The following PARD3B variants were observed in gnomAD, a reference collection of about 807,000 sequenced individuals.
PARD3B encodes par-3 family cell polarity regulator beta.
In PARD3B, 103 loss-of-function variants were observed where a neutral mutation model predicts 130.2. The observed-to-expected ratio is 0.79, with a 90% confidence interval of 0.67 to 0.93. PARD3B has a LOEUF of 0.93. Ranked by LOEUF, PARD3B falls within the 40% of genes least tolerant of loss-of-function variation. The pLI is 0.00. For synonymous variants in PARD3B, 583 were observed against 553.2 expected, an observed-to-expected ratio of 1.05 and a Z score of -0.76; for missense variants, 1,609 against 1,499.2, an observed-to-expected ratio of 1.07 and a Z score of -1.21.
At chr2:205,554,058 C>T (rs558863555) in intron 22 of PARD3B, among the ~76,000 whole-genome samples, 1 of 152,284 alleles carries the variant, frequency 6.6e-6, no homozygotes, top group African/African-American at 2.4e-5. Context: ...TTTTAGTTTG[C>T]TATCAGTAGC....
intron 22 of PARD3B, among the ~76,000 whole-genome samples, chr2:205,607,070 A>G (rs1421085209): frequency 6.6e-6 from 1 of 152,156 alleles, no homozygotes; most frequent in Non-Finnish European, 1.5e-5. Flanking sequence ...AACCGCACAA[A>G]TATCTGTTTG....
At chr2:205,188,097 A>G (rs1216141531) in intron 14 of PARD3B, among the ~76,000 whole-genome samples, 5 of 152,248 alleles carry the variant, frequency 3.3e-5, no homozygotes, top group Non-Finnish European at 4.4e-5. Context: ...CAGCCAGCTA[A>G]GCATTAGATA....
At chr2:205,476,620 GTTTGT>G (rs911020605) in intron 20 of PARD3B, among the ~76,000 whole-genome samples, 11 of 151,626 alleles carry the variant, frequency 7.3e-5, no homozygotes, top group African/African-American at 2.4e-4. Context: ...TGGGTTTTTT[GTTTGT>G]TTTTTTGTTT....
chr2:205,073,431 A>C (rs1490594953), intron 4 of PARD3B, among the ~76,000 whole-genome samples: 1 of 152,186 alleles, frequency 6.6e-6, no homozygotes, highest in Non-Finnish European at 1.5e-5. Context: ...ACTGAAATAA[A>C]ATTAAATGGA....
chr2:204,989,822 T>A (rs945165256), intron 3 of PARD3B, among the ~76,000 whole-genome samples: 1 of 152,158 alleles, frequency 6.6e-6, no homozygotes, highest in African/African-American at 2.4e-5. Flanking sequence ...GTTTCCTTTT[T>A]TAAAAAAATG....
At chr2:205,381,125 TTATATATAAAGAATATATAATATATATAA>T (rs1463416164) in intron 18 of PARD3B, among the ~76,000 whole-genome samples, 2 of 90,700 alleles carry the variant, frequency 2.2e-5, no homozygotes, top group Non-Finnish European at 4.2e-5. Context: ...ATTATATATA[TTATATATAAAGAATATATAATATATATAA>T]TATATATAAA....
chr2:204,880,047 T>C (rs2045981091), intron 2 of PARD3B, among the ~76,000 whole-genome samples: 1 of 152,182 alleles, frequency 6.6e-6, no homozygotes, highest in Non-Finnish European at 1.5e-5. Context: ...TCAGACATAA[T>C]GTAACTGTTC....
At chr2:205,294,316 T>C (rs2041712590) in intron 16 of PARD3B, among the ~76,000 whole-genome samples, 1 of 152,092 alleles carries the variant, frequency 6.6e-6, no homozygotes, top group Non-Finnish European at 1.5e-5. Context: ...CCATGGAGTA[T>C]ATTTTCTTAT....
At chr2:205,067,872 C>G (rs1283236268) in intron 4 of PARD3B, among the ~76,000 whole-genome samples, 1 of 152,154 alleles carries the variant, frequency 6.6e-6, no homozygotes, top group African/African-American at 2.4e-5. Context: ...ACACCTTTGG[C>G]CATGATGCAT....
At chr2:205,069,414 G>A (rs972498140) in intron 4 of PARD3B, among the ~76,000 whole-genome samples, 4 of 151,836 alleles carry the variant, frequency 2.6e-5, no homozygotes, top group Non-Finnish European at 4.4e-5. Context: ...AAATAGATTA[G>A]TCTAATCTAT....
chr2:205,065,224 C>G (rs1011431029), intron 4 of PARD3B, among the ~76,000 whole-genome samples: 1 of 152,094 alleles, frequency 6.6e-6, no homozygotes, highest in Admixed American at 6.6e-5. Flanking sequence ...AAAGATGCCA[C>G]AGATAGAGTG....
At chr2:204,975,267 A>G (rs1390762680) in intron 3 of PARD3B, among the ~76,000 whole-genome samples, 2 of 152,156 alleles carry the variant, frequency 1.3e-5, no homozygotes, top group Admixed American at 1.3e-4. Flanking sequence ...CTTTGATTCG[A>G]CAGTCTTCAT....
chr2:204,570,209 G>A (rs2031912608), intron 1 of PARD3B, among the ~76,000 whole-genome samples: 1 of 152,158 alleles, frequency 6.6e-6, no homozygotes, highest in Admixed American at 6.5e-5. Flanking sequence ...AGAGCTTGTT[G>A]TACTCTGAGT....
chr2:205,101,896 G>A (rs1283521474), intron 4 of PARD3B, among the ~76,000 whole-genome samples: 1 of 152,176 alleles, frequency 6.6e-6, no homozygotes, highest in Non-Finnish European at 1.5e-5. Flanking sequence ...GACTGCTAAT[G>A]GAGTTTGAGG....
At position 205,105,453 on chromosome 2, in the gene PARD3B, T is replaced by C. The variant is rs1703131196; in HGVS notation, c.593+939T>C. On this transcript the variant is annotated intron_variant, in intron 5 of 22. Coordinates refer to ENST00000406610, the MANE Select transcript of PARD3B (RefSeq NM_001302769.2). The surrounding 1 kb of genome is among the most constrained non-coding windows in gnomAD (Gnocchi z 4.0). ...GTAAAGCTACTGAAGTTTATAATTA[T>C]TCATGCAGTTGACGTATTCCTTTCA... Among the ~76,000 whole-genome samples, 1 of 152,226 alleles carries C rather than the reference T, an allele frequency of 6.6e-6. No homozygotes were observed. Among genetic ancestry groups the C allele is most frequent in the Admixed American group, 6.5e-5 (1 of 15,282 alleles).
In PARD3B at chr2:205,558,151, G is replaced by A. The variant is rs946193551; in HGVS notation, c.3260+4748G>A. 5.3e-5 allele frequency among the ~76,000 whole-genome samples: 8 copies of A among 152,168 alleles called. No individual in the cohort carries two copies. Among genetic ancestry groups the A allele is most frequent in the African/African-American group, 1.7e-4 (7 of 41,430 alleles). ...TAGACAGCAGTGCTATGGAGAGGGG[G>A]TTTATAACAGATACAGCATGCTGAC... is the stretch of plus-strand genomic sequence containing the variant. On this transcript the variant is annotated intron_variant, in intron 22 of 22. Transcript: ENST00000406610. This position sits in a 1 kb window ranked among gnomAD's most constrained non-coding sequence, Gnocchi z 4.8.
rs761694614 is a variant in PARD3B at position 205,292,259 on chromosome 2, A to T, written c.2186-8271A>T. ...TCATGAATGGGATTAGTTTCCTTAT[A>T]AAAAAAAGACTCACAGAGAGTTCCC... is the stretch of plus-strand genomic sequence containing the variant. On this transcript the variant is annotated intron_variant, in intron 16 of 22. Coordinates refer to ENST00000406610, the MANE Select transcript of PARD3B (RefSeq NM_001302769.2). This position sits in a 1 kb window ranked among gnomAD's most constrained non-coding sequence, Gnocchi z 5.3. 4.6e-5 allele frequency among the ~76,000 whole-genome samples: 7 copies of T among 151,790 alleles called. No homozygotes were observed. Among genetic ancestry groups the T allele is most frequent in the East Asian group, 1.9e-4 (1 of 5,166 alleles).
intron 15 of PARD3B, among the ~76,000 whole-genome samples, chr2:205,239,763 A>G (rs2039268015): frequency 6.6e-6 from 1 of 152,204 alleles, no homozygotes; most frequent in East Asian, 1.9e-4. Context: ...GAGATGCATT[A>G]TGATATTGGA....
intron 1 of PARD3B, among the ~76,000 whole-genome samples, chr2:204,605,650 C>T (rs558252705): frequency 2.6e-5 from 4 of 152,122 alleles, no homozygotes; most frequent in South Asian, 4.2e-4. Flanking sequence ...TCTCTGGGTT[C>T]GTGTCTTGGT....
Sources: gnomAD v4.1 joint callset for allele counts (sites outside exome capture counted in the v4.1 genomes callset) on GRCh38, gnomAD v4.1.1 for gene constraint, Gnocchi (gnomAD v3.1) non-coding constraint, MANE v1.5 for transcripts, NCBI Gene and HGNC (gene_info 2026-07-23, HGNC 2026-07-21) for gene names.